TRIP4: variants seen among roughly 807,000 people sequenced by gnomAD.
TRIP4 encodes thyroid hormone receptor interactor 4.
In TRIP4, 54 loss-of-function variants were observed where a neutral mutation model predicts 81.8. The ratio of observed to expected loss-of-function variants is 0.66; its 90% CI spans 0.53 to 0.83. The LOEUF (loss-of-function observed/expected upper bound fraction) is 0.83. TRIP4 is among the 40% of genes least tolerant of loss of function. The pLI, the probability that TRIP4 is intolerant of heterozygous loss-of-function variation, is 0.00. For missense variants in TRIP4, 662 were observed against 683.6 expected, an observed-to-expected ratio of 0.97 and a Z score of 0.35; for synonymous variants, 270 against 242.8, an observed-to-expected ratio of 1.11 and a Z score of -1.04.
At position 64,387,972 on chromosome 15, in the gene TRIP4, C is replaced by T. The variant is rs114592123; in HGVS notation, c.101+8C>T. ...CAGCGAGGAGATCATTCAGTGAGAA[C>T]AGTTCGGGTCCAAGCGGGGAAGGAG... On this transcript the variant is annotated splice_region_variant and intron_variant, in intron 1 of 12. Transcript: ENST00000261884. 1.9e-4 allele frequency: 289 copies of T among 1,546,134 alleles called. 1 individual carries two copies. The African/African-American group carries it at 3.1e-3, about 17-fold the overall frequency.
intron 9 of TRIP4, among the ~76,000 whole-genome samples, chr15:64,423,151 A>G (rs1055652869): frequency 5.9e-5 from 9 of 152,140 alleles, no homozygotes; most frequent in Admixed American, 4.6e-4. Flanking sequence ...ATAATCCTCA[A>G]AGAAAACCCC....
At chr15:64,444,912 A>G (rs1308798207) in intron 11 of TRIP4, 94 bp from the exon 12 acceptor site, 5 of 677,026 alleles carry the variant, frequency 7.4e-6, no homozygotes, top group Non-Finnish European at 1.3e-5. Context: ...TAGTATCATC[A>G]GAATGTTGAG....
At chr15:64,439,512 C>CTTTTTTTTT (rs71895300) in intron 11 of TRIP4, among the ~76,000 whole-genome samples, 2 of 47,928 alleles carry the variant, frequency 4.2e-5, no homozygotes, top group Admixed American at 4.0e-4. Flanking sequence ...ACTTATAAAT[C>CTTTTTTTTT]TTTTTTTTTT....
At chr15:64,396,090 G>T (rs1900285198) in intron 3 of TRIP4, among the ~76,000 whole-genome samples, 1 of 151,568 alleles carries the variant, frequency 6.6e-6, no homozygotes, top group Non-Finnish European at 1.5e-5. Flanking sequence ...TCGTATTTTA[G>T]TAGAGATGGG....
At chr15:64,436,384 G>C (rs1892398957) in intron 11 of TRIP4, among the ~76,000 whole-genome samples, 1 of 151,884 alleles carries the variant, frequency 6.6e-6, no homozygotes, top group South Asian at 2.1e-4. Flanking sequence ...ACGAGGTCAG[G>C]AGTTCAAGAC....
chr15:64,429,710 T>C (rs1892228039), intron 11 of TRIP4, among the ~76,000 whole-genome samples: 1 of 152,178 alleles, frequency 6.6e-6, no homozygotes, highest in African/African-American at 2.4e-5. Context: ...GTATGCTTGA[T>C]TTTTCTGTAT....
intron 11 of TRIP4, among the ~76,000 whole-genome samples, chr15:64,428,832 G>A (rs904405834): frequency 6.6e-6 from 1 of 151,474 alleles, no homozygotes; most frequent in South Asian, 2.1e-4. Flanking sequence ...GGCTGGTCTC[G>A]AACTCCTGAC....
At chr15:64,421,341 C>A (rs1262683968) in intron 9 of TRIP4, among the ~76,000 whole-genome samples, 2 of 149,460 alleles carry the variant, frequency 1.3e-5, no homozygotes, top group African/African-American at 2.5e-5. Context: ...TTCTTTCTTT[C>A]ATTTTTTTTT....
rs760447338 is a variant in TRIP4, at chr15:64,424,129, CTACA to C, written c.1460_1463del (p.Thr487IlefsTer26). On this transcript the variant is annotated frameshift_variant, in exon 10 of 13. Coordinates refer to ENST00000261884, the MANE Select transcript of TRIP4 (RefSeq NM_016213.5). LOFTEE classifies it high-confidence loss of function. ...CCTCAAGAAGTCTCAGAACTCCAGG[CTACA>C]TATCGTCTTCTTCGTGGGAAAGGTA... 2.4e-5 allele frequency: 39 copies of C among 1,614,064 alleles called. No homozygotes were observed. The highest frequency in any genetic ancestry group is 3.1e-5 in the Non-Finnish European group (37 of 1,180,046).
intron 11 of TRIP4, 44 bp from the exon 12 acceptor site, chr15:64,444,962 G>A: frequency 1.9e-6 from 2 of 1,064,530 alleles, no homozygotes; most frequent in Non-Finnish European, 2.8e-6. Flanking sequence ...TAAATTCAAA[G>A]CTTGTCCCAA....
intron 7 of TRIP4, among the ~76,000 whole-genome samples, chr15:64,412,222 T>G (rs1891781880): frequency 6.6e-6 from 1 of 152,212 alleles, no homozygotes; most frequent in Admixed American, 6.6e-5. Context: ...GTTCTGGATA[T>G]ACTTATCATT....
intron 11 of TRIP4, among the ~76,000 whole-genome samples, chr15:64,426,051 C>T (rs1892134836): frequency 6.6e-6 from 1 of 152,060 alleles, no homozygotes; most frequent in African/African-American, 2.4e-5. Flanking sequence ...CCACTGCACT[C>T]CAGCCTGGGC....
chr15:64,400,579 A>G (rs1457450762), intron 4 of TRIP4, among the ~76,000 whole-genome samples, 164 bp from the exon 5 acceptor site: 1 of 151,154 alleles, frequency 6.6e-6, no homozygotes, highest in African/African-American at 2.4e-5. Context: ...TCTGGAGAAA[A>G]CTCATTTGCA....
Position 64,395,403 on chromosome 15 carries a change from T to G in TRIP4, c.277T>G (p.Leu93Val), listed in dbSNP as rs752605659. 6.2e-7 allele frequency: 1 copy of G among 1,601,680 alleles called. No individual in the cohort carries two copies. The highest frequency in any genetic ancestry group is 1.1e-5 in the South Asian group (1 of 88,090). ...LQQCFKKDEI[L>V]DGQKSGDHLK... The stretch of plus-strand genomic sequence containing the variant: ...TTTTTTTTCTATCTTTAAAGAAATT[T>G]TAGATGGGCAGAAATCAGGCGACCA... The change falls in exon 3 of 13, where the codon TTA (leucine) becomes GTA (valine). Residue 93 changes from leucine to valine, a missense_variant. Transcript: ENST00000261884.
intron 12 of TRIP4, 162 bp downstream of exon 12, chr15:64,445,270 ATTTTCTTTTC>A (rs906969678): frequency 2.1e-5 from 9 of 423,066 alleles, no homozygotes; most frequent in African/African-American, 4.1e-5. Context: ...TGATGGTCTA[ATTTTCTTTTC>A]TTTTCTTTTC....
chr15:64,401,045 T>C (rs942664583), intron 5 of TRIP4, among the ~76,000 whole-genome samples: 1 of 152,024 alleles, frequency 6.6e-6, no homozygotes, highest in Non-Finnish European at 1.5e-5. Flanking sequence ...TACTGCAACC[T>C]CCGCCTCCTG....
intron 11 of TRIP4, among the ~76,000 whole-genome samples, chr15:64,428,039 C>A (rs940024954): frequency 6.6e-6 from 1 of 151,880 alleles, no homozygotes. Flanking sequence ...GATTCACAGT[C>A]GTTAACAGCT....
At chr15:64,417,182 T>C (rs1891906700) in intron 8 of TRIP4, among the ~76,000 whole-genome samples, 1 of 152,146 alleles carries the variant, frequency 6.6e-6, no homozygotes. Context: ...TACTAATTTG[T>C]ATATTTTTTT....
At chr15:64,414,450 TTTG>T (rs1254624640) in intron 8 of TRIP4, among the ~76,000 whole-genome samples, 2 of 152,048 alleles carry the variant, frequency 1.3e-5, no homozygotes, top group Non-Finnish European at 2.9e-5. Context: ...AAGAAAGGGT[TTTG>T]TTAAGTACTA....
Sources: allele counts gnomAD v4.1 joint callset (sites outside exome capture counted in the v4.1 genomes callset), GRCh38; gene constraint gnomAD v4.1.1; transcripts MANE v1.5; gene names NCBI Gene and HGNC (gene_info 2026-07-23, HGNC 2026-07-21).